PCDHGB3: variants seen among roughly 807,000 people sequenced by gnomAD.
PCDHGB3 encodes the protein protocadherin gamma-B3.
In PCDHGB3, 40 loss-of-function variants were observed where a neutral mutation model predicts 59.2. The observed-to-expected ratio is 0.68, with a 90% CI of 0.52 to 0.88. The LOEUF is 0.88. Ranked by LOEUF, PCDHGB3 falls within the 40% of genes least tolerant of loss-of-function variation. PCDHGB3 has a pLI of 0.00. For synonymous variants in PCDHGB3, 581 were observed against 503.6 expected, an observed-to-expected ratio of 1.15 and a Z score of -2.06; for missense variants, 1,309 against 1,187.9, an observed-to-expected ratio of 1.10 and a Z score of -1.50.
rs1591227595 is a variant in PCDHGB3 at position 141,432,858 on chromosome 5, T to C, written c.2415+60049T>C. ...TACCTGGTGGTAGCGGTGGCCGCGG[T>C]CTCCTGCGTCTTCCTGGCCTTCGTC... On this transcript the variant is annotated intron_variant, in intron 1 of 3. Coordinates refer to ENST00000576222, the MANE Select transcript of PCDHGB3 (RefSeq NM_018924.5). This position sits in a 1 kb window ranked among gnomAD's most constrained non-coding sequence, Gnocchi z 6.0. The C allele has an allele frequency of 1.2e-6, 2 of 1,614,140 alleles. No individual in the cohort carries two copies. Among genetic ancestry groups the C allele is most frequent in the Non-Finnish European group, 8.5e-7 (1 of 1,179,996 alleles).
intron 1 of PCDHGB3, among the ~76,000 whole-genome samples, chr5:141,447,787 T>C (rs1025269338): frequency 1.3e-5 from 2 of 152,106 alleles, no homozygotes; most frequent in Non-Finnish European, 2.9e-5. Context: ...TGAAAATAAA[T>C]TTAAGAAAAT....
Position 141,477,403 on chromosome 5 carries a change from C to T in PCDHGB3, c.2416-17404C>T, listed in dbSNP as rs1329599078. 2 of 1,614,164 alleles carry T rather than the reference C, an allele frequency of 1.2e-6. No individual in the cohort carries two copies. Among genetic ancestry groups the T allele is most frequent in the Non-Finnish European group, 1.7e-6 (2 of 1,180,042 alleles). ...CAGAATACAACCTCAGCATCACCGC[C>T]CGAGACGCCGGAACCCCTTCCCTCT... is the stretch of plus-strand genomic sequence containing the variant. On this transcript the variant is annotated intron_variant, in intron 1 of 3. Transcript: ENST00000576222. The surrounding 1 kb of genome is among the most constrained non-coding windows in gnomAD (Gnocchi z 4.9).
chr5:141,494,639 C>T, intron 1 of PCDHGB3, 168 bp from the exon 2 acceptor site: 1 of 901,070 alleles, frequency 1.1e-6, no homozygotes, highest in Non-Finnish European at 1.3e-6. Flanking sequence ...ACCTCTGAGA[C>T]CTGAGGTGTA....
Position 141,491,589 on chromosome 5 carries a change from C to T in PCDHGB3, c.2416-3218C>T. 6.2e-7 allele frequency: 1 copy of T among 1,613,926 alleles called. No homozygotes were observed. The highest frequency in any genetic ancestry group is 8.5e-7 in the Non-Finnish European group (1 of 1,180,024). ...GGACGTGCTTTTCACCGGCCTCGGA[C>T]GGCAGTGACTTCACTTTTCTAAGAC... On this transcript the variant is annotated intron_variant, in intron 1 of 3. Transcript: ENST00000576222. This position sits in a 1 kb window ranked among gnomAD's most constrained non-coding sequence, Gnocchi z 6.9.
intron 2 of PCDHGB3, among the ~76,000 whole-genome samples, chr5:141,501,102 C>G (rs951290710): frequency 2.0e-5 from 3 of 152,014 alleles, no homozygotes; most frequent in African/African-American, 4.8e-5. Flanking sequence ...CTCTTGACCT[C>G]GTGATCCGCC....
intron 1 of PCDHGB3, among the ~76,000 whole-genome samples, chr5:141,397,436 G>GT (rs1255719276): frequency 6.6e-6 from 1 of 152,172 alleles, no homozygotes; most frequent in Non-Finnish European, 1.5e-5. Flanking sequence ...TCCCTAATAT[G>GT]TGTAATATAA....
intron 2 of PCDHGB3, among the ~76,000 whole-genome samples, chr5:141,502,787 G>T (rs2099816081): frequency 6.6e-6 from 1 of 151,394 alleles, no homozygotes; most frequent in African/African-American, 2.4e-5. Flanking sequence ...TTACCTGGAT[G>T]ATTTCTTCAG....
At chr5:141,395,506 G>A in intron 1 of PCDHGB3, 1 of 433,794 alleles carries the variant, frequency 2.3e-6, no homozygotes, top group East Asian at 4.4e-5. Flanking sequence ...CACTTAAGAA[G>A]TAGCTACCCG....
chr5:141,395,016 G>T, intron 1 of PCDHGB3: 1 of 1,614,068 alleles, frequency 6.2e-7, no homozygotes, highest in Admixed American at 1.7e-5. Flanking sequence ...ATTGGTAGGC[G>T]TGCCTGCCTC....
At chr5:141,455,860 ATTATTTATTTATTTATTTAT>A (rs145569377) in intron 1 of PCDHGB3, among the ~76,000 whole-genome samples, 117 of 139,848 alleles carry the variant, frequency 8.4e-4, no homozygotes, top group Non-Finnish European at 9.4e-4. Flanking sequence ...AATTTCTTTT[ATTATTTATTTATTTATTTAT>A]TTATTTATTT....
chr5:141,422,478 G>C, intron 1 of PCDHGB3: 1 of 1,613,914 alleles, frequency 6.2e-7, no homozygotes, highest in Non-Finnish European at 8.5e-7. Flanking sequence ...AGTTGGTCCA[G>C]AGCTACAATA....
At chr5:141,384,245 C>T (rs776707376) in intron 1 of PCDHGB3, 6 of 1,613,890 alleles carry the variant, frequency 3.7e-6, no homozygotes, top group Non-Finnish European at 5.1e-6. Context: ...AACGATAACC[C>T]ACCCACCTTC....
In PCDHGB3 at chr5:141,372,302, G is replaced by C; in HGVS notation, c.1908G>C (p.Glu636Asp). ...CGGCGCGTACCTTGGGCGACAGGGA[G>C]GCCGCCCGCCAGCGCCTGCTGGTCA... ...VRTARTLGDR[E>D]AARQRLLVTV... The change falls in exon 1 of 4, where the codon GAG (glutamate) becomes GAC (aspartate). Residue 636 changes from glutamate to aspartate, a missense_variant. Physicochemically the swap from Glu to Asp is conservative, Grantham distance 45. Transcript: ENST00000576222. 6.2e-7 allele frequency: 1 copy of C among 1,613,340 alleles called. No homozygotes were observed. Among genetic ancestry groups the C allele is most frequent in the Non-Finnish European group, 8.5e-7 (1 of 1,179,896 alleles).
chr5:141,377,580 A>G (rs1350053157), intron 1 of PCDHGB3: 1 of 151,568 alleles, frequency 6.6e-6, no homozygotes, highest in African/African-American at 2.4e-5. Context: ...TGGGAGACAG[A>G]ATGAGACTTT....
intron 1 of PCDHGB3, chr5:141,410,723 T>G: frequency 7.2e-7 from 1 of 1,391,168 alleles, no homozygotes; most frequent in Non-Finnish European, 9.6e-7. Context: ...ATGTTTAAAA[T>G]CCATAGCTTT....
intron 1 of PCDHGB3, chr5:141,433,132 T>A (rs1168186406): frequency 6.2e-7 from 1 of 1,614,122 alleles, no homozygotes; most frequent in Non-Finnish European, 8.5e-7. Context: ...GCGAGCCCCT[T>A]TTGCTGTCAG....
intron 1 of PCDHGB3, chr5:141,421,851 T>G: frequency 6.2e-7 from 1 of 1,613,714 alleles, no homozygotes; most frequent in East Asian, 2.2e-5. Context: ...AAGAGGCTGC[T>G]CACCTGCTCC....
At chr5:141,415,573 G>A (rs375863243) in intron 1 of PCDHGB3, 68 of 1,613,906 alleles carry the variant, frequency 4.2e-5, no homozygotes, top group Non-Finnish European at 1.2e-5. Flanking sequence ...TTTGTTAGAT[G>A]ATTCGAAGTT....
At chr5:141,492,755 C>T (rs938918009) in intron 1 of PCDHGB3, among the ~76,000 whole-genome samples, 3 of 152,262 alleles carry the variant, frequency 2.0e-5, no homozygotes, top group African/African-American at 7.2e-5. Flanking sequence ...CGCGGCAGGG[C>T]TCCGCGTTGG....
Sources: allele counts gnomAD v4.1 joint callset (sites outside exome capture counted in the v4.1 genomes callset), GRCh38; gene constraint gnomAD v4.1.1; non-coding constraint Gnocchi (gnomAD v3.1); transcripts MANE v1.5; gene names NCBI Gene and HGNC (gene_info 2026-07-23, HGNC 2026-07-21).